Variants in IQCH observed in about 807,000 individuals in gnomAD.
The protein encoded by IQCH is IQ motif containing H, also known as IQ domain-containing protein H.
In IQCH, 98 loss-of-function variants were observed where a neutral mutation model predicts 117.0. That is an observed-to-expected ratio of 0.84 (90% CI 0.71 to 0.99). The LOEUF is 0.99. IQCH is among the 50% of genes least tolerant of loss of function. The probability of loss-of-function intolerance (pLI) is 0.00; values close to 1 mark genes in which losing one functional copy is unlikely to be tolerated. For synonymous variants in IQCH, 412 were observed against 448.2 expected (o/e 0.92, Z 1.02); for missense variants, 1,102 against 1,243.8 (o/e 0.89, Z 1.72).
Position 67,323,988 on chromosome 15 carries a change from G to A in IQCH, c.388-12987G>A, listed in dbSNP as rs1046991206. Among the ~76,000 whole-genome samples, 37 of 127,362 alleles carry A rather than the reference G, an allele frequency of 2.9e-4. 1 individual carries two copies. The highest frequency in any genetic ancestry group is 9.1e-4 in the African/African-American group (30 of 33,066). 83.6% of individuals were successfully genotyped at this position (127,362 alleles called of 152,430 possible). A position where few individuals can be genotyped will look rare whatever the true frequency, so the allele number is the denominator to read the frequency against. Reference sequence around the variant, plus strand: ...AGATGGAGTCTTGCTCTGTTACCCCGGCTGGAATGCAATGGCGTGATCTCG... The same window carrying A: ...AGATGGAGTCTTGCTCTGTTACCCCAGCTGGAATGCAATGGCGTGATCTCG... On this transcript the variant is annotated intron_variant, in intron 4 of 20. Coordinates refer to ENST00000335894, the MANE Select transcript of IQCH (RefSeq NM_001031715.3).
chr15:67,412,226 A>G (rs549025075), intron 14 of IQCH, among the ~76,000 whole-genome samples: 1 of 152,202 alleles, frequency 6.6e-6, no homozygotes, highest in South Asian at 2.1e-4. Context: ...TTTATTATCA[A>G]CAAGGTATAT....
chr15:67,301,599 G>T (rs544850898), intron 4 of IQCH, among the ~76,000 whole-genome samples: 96 of 151,482 alleles, frequency 6.3e-4, no homozygotes, highest in African/African-American at 2.2e-3. Flanking sequence ...TAGTAGAGAC[G>T]GGGTTTCACC....
Position 67,387,459 on chromosome 15 carries a change from T to C in IQCH, c.1457-1372T>C, listed in dbSNP as rs1971143210. ...CACACTGTGCCAGGGCTTAGGGGAATATAAGAAATAGTACAAACATTGCCT... is the reference window on the plus strand; with the variant it reads ...CACACTGTGCCAGGGCTTAGGGGAACATAAGAAATAGTACAAACATTGCCT... On this transcript the variant is annotated intron_variant, in intron 11 of 20. Transcript: ENST00000335894. This position sits in a 1 kb window ranked among gnomAD's most constrained non-coding sequence, Gnocchi z 4.8. 6.6e-6 allele frequency among the ~76,000 whole-genome samples: 1 copy of C among 152,154 alleles called. No homozygotes were observed. The highest frequency in any genetic ancestry group is 2.4e-5 in the African/African-American group (1 of 41,414).
intron 4 of IQCH, among the ~76,000 whole-genome samples, chr15:67,303,427 A>G (rs1967149040): frequency 6.6e-6 from 1 of 152,196 alleles, no homozygotes; most frequent in Non-Finnish European, 1.5e-5. Context: ...ATTTTATGGT[A>G]TATGCATTAT....
chr15:67,282,457 G>T (rs1458994048), intron 4 of IQCH, among the ~76,000 whole-genome samples: 1 of 152,062 alleles, frequency 6.6e-6, no homozygotes, highest in Non-Finnish European at 1.5e-5. Flanking sequence ...ATGCTATGAG[G>T]ATGGGTGAGC....
rs915177791 is a variant in IQCH, at chr15:67,445,080, G to C, written c.2506-20047G>C. Among the ~76,000 whole-genome samples the C allele has an allele frequency of 6.6e-6, 1 of 151,892 alleles. No homozygotes were observed. The highest frequency in any genetic ancestry group is 2.4e-5 in the African/African-American group (1 of 41,328). Reference sequence around the variant, plus strand: ...ATTATACTTGGAAAGTGGTGGCTTTGGTATGATTTTTTTTAAAGGAAATAT... The same window carrying C: ...ATTATACTTGGAAAGTGGTGGCTTTCGTATGATTTTTTTTAAAGGAAATAT... On this transcript the variant is annotated intron_variant, in intron 16 of 20. Coordinates refer to ENST00000335894, the MANE Select transcript of IQCH (RefSeq NM_001031715.3). The surrounding 1 kb of genome is among the most constrained non-coding windows in gnomAD (Gnocchi z 4.3).
At chr15:67,271,304 G>T (rs1447441792) in intron 3 of IQCH, among the ~76,000 whole-genome samples, 1 of 152,092 alleles carries the variant, frequency 6.6e-6, no homozygotes, top group Non-Finnish European at 1.5e-5. Context: ...TGTTGAATTT[G>T]GTTTGCTAGG....
At chr15:67,350,809 G>A (rs1451712397) in intron 6 of IQCH, among the ~76,000 whole-genome samples, 1 of 152,120 alleles carries the variant, frequency 6.6e-6, no homozygotes, top group African/African-American at 2.4e-5. Flanking sequence ...CACTAAAAAA[G>A]GGTGAATTTT....
Position 67,459,968 on chromosome 15 carries a change from T to C in IQCH, c.2506-5159T>C, listed in dbSNP as rs988015444. On this transcript the variant is annotated intron_variant, in intron 16 of 20. Transcript: ENST00000335894. This position sits in a 1 kb window ranked among gnomAD's most constrained non-coding sequence, Gnocchi z 4.2. ...TTTGAGACCAGCCTGGGCAACAAGATCTTGTCTCTACAAAAAAGGAAAGAA... is the reference window on the plus strand; with the variant it reads ...TTTGAGACCAGCCTGGGCAACAAGACCTTGTCTCTACAAAAAAGGAAAGAA... The C allele has an allele frequency of 4.0e-5, 6 of 151,244 alleles. No homozygotes were observed. The highest frequency in any genetic ancestry group is 8.8e-5 in the Non-Finnish European group (6 of 67,900). 9.4% of individuals were successfully genotyped at this position (151,244 alleles called of 1,614,324 possible). A position where few individuals can be genotyped will look rare whatever the true frequency, so the allele number is the denominator to read the frequency against.
chr15:67,473,801 T>C lies in IQCH; in HGVS notation c.2677-1895T>C, dbSNP rs1388678042. Among the ~76,000 whole-genome samples the C allele has an allele frequency of 6.6e-6, 1 of 152,082 alleles. No homozygotes were observed. The highest frequency in any genetic ancestry group is 1.5e-5 in the Non-Finnish European group (1 of 68,014). ...AGTACAGTAGTGAGGCATATGAGGA[T>C]CAAATCAATTTTCTGTTGTTAGAAA... On this transcript the variant is annotated intron_variant, in intron 17 of 20. Coordinates refer to ENST00000335894, the MANE Select transcript of IQCH (RefSeq NM_001031715.3). This position sits in a 1 kb window ranked among gnomAD's most constrained non-coding sequence, Gnocchi z 4.9.
At chr15:67,286,948 T>G (rs1012877434) in intron 4 of IQCH, among the ~76,000 whole-genome samples, 1 of 152,178 alleles carries the variant, frequency 6.6e-6, no homozygotes, top group African/African-American at 2.4e-5. Context: ...ATATGTTCCT[T>G]CTATACCCAG....
At chr15:67,287,660 T>C (rs1351926486) in intron 4 of IQCH, among the ~76,000 whole-genome samples, 2 of 152,038 alleles carry the variant, frequency 1.3e-5, no homozygotes, top group Admixed American at 6.6e-5. Context: ...TTTTTCTTAG[T>C]CTGGTTAAAG....
chr15:67,487,621 C>A (rs1160611010), intron 18 of IQCH, among the ~76,000 whole-genome samples: 1 of 152,058 alleles, frequency 6.6e-6, no homozygotes, highest in Non-Finnish European at 1.5e-5. Flanking sequence ...CATGGCCCTA[C>A]GCCCATGGCC....
Position 67,481,571 on chromosome 15 carries a change from T to C in IQCH, c.2799+5753T>C, listed in dbSNP as rs140779427. Reference sequence around the variant, plus strand: ...CAGCCAAACCATATCAAGTACATATTTGCATTCAGAGAGACTCTCTCAGGA... The same window carrying C: ...CAGCCAAACCATATCAAGTACATATCTGCATTCAGAGAGACTCTCTCAGGA... On this transcript the variant is annotated intron_variant, in intron 18 of 20. Coordinates refer to ENST00000335894, the MANE Select transcript of IQCH (RefSeq NM_001031715.3). This position sits in a 1 kb window ranked among gnomAD's most constrained non-coding sequence, Gnocchi z 4.1. Among the ~76,000 whole-genome samples, 1 of 152,128 alleles carries C rather than the reference T, an allele frequency of 6.6e-6. No individual in the cohort carries two copies. Among genetic ancestry groups the C allele is most frequent in the African/African-American group, 2.4e-5 (1 of 41,472 alleles).
At chr15:67,372,922 C>T (rs1456755845) in intron 9 of IQCH, among the ~76,000 whole-genome samples, 3 of 151,884 alleles carry the variant, frequency 2.0e-5, no homozygotes, top group Non-Finnish European at 4.4e-5. Context: ...AAAAAAAAGT[C>T]CCTTCACTTT....
rs1968951735 is a variant in IQCH, at chr15:67,337,569, G to A, written c.508+474G>A. On this transcript the variant is annotated intron_variant, in intron 5 of 20. Transcript: ENST00000335894. The stretch of plus-strand genomic sequence containing the variant: ...TGAAACCAGTGGATTTTGTTTTTAA[G>A]CAAAGGATTTCATCTTTATCTCAGT... 3.3e-5 allele frequency among the ~76,000 whole-genome samples: 5 copies of A among 152,210 alleles called. No homozygotes were observed. In the South Asian group the frequency reaches 8.3e-4, roughly 25 times the overall value.
intron 1 of IQCH, chr15:67,255,377 C>G (rs533005247): frequency 3.0e-5 from 5 of 164,558 alleles, no homozygotes; most frequent in African/African-American, 1.2e-4. Flanking sequence ...CTTAAACACC[C>G]CAGTTTTTTA....
chr15:67,379,735 A>G (rs1970858380), intron 10 of IQCH, among the ~76,000 whole-genome samples: 1 of 152,310 alleles, frequency 6.6e-6, no homozygotes, highest in South Asian at 2.1e-4. Flanking sequence ...TCCTGCCACC[A>G]TGTGAAGAAG....
intron 4 of IQCH, among the ~76,000 whole-genome samples, chr15:67,298,694 G>A (rs1054822626): frequency 5.3e-5 from 8 of 151,946 alleles, no homozygotes; most frequent in Non-Finnish European, 7.4e-5. Flanking sequence ...GATGAAACCC[G>A]TTTCTACTAA....
Sources: gnomAD v4.1 joint callset for allele counts (sites outside exome capture counted in the v4.1 genomes callset) on GRCh38, gnomAD v4.1.1 for gene constraint, Gnocchi (gnomAD v3.1) non-coding constraint, MANE v1.5 for transcripts, NCBI Gene and HGNC (gene_info 2026-07-23, HGNC 2026-07-21) for gene names.